Variants in SETDB1 observed in about 807,000 individuals in gnomAD.
SETDB1 encodes SET domain bifurcated histone lysine methyltransferase 1.
A neutral mutation model predicts 137.4 loss-of-function variants in SETDB1; 31 were observed. That is an observed-to-expected ratio of 0.23 (90% CI 0.17 to 0.30). The LOEUF is 0.30. SETDB1 is among the 10% of genes least tolerant of loss of function. The probability of loss-of-function intolerance (pLI) is 1.00; values close to 1 mark genes in which losing one functional copy is unlikely to be tolerated. For missense variants in SETDB1, 1,113 were observed against 1,631.5 expected (o/e 0.68, Z 5.47); for synonymous variants, 548 against 579.9 (o/e 0.95, Z 0.79).
At chr1:150,951,557 TC>T in intron 14 of SETDB1, 76 bp downstream of exon 14, 1 of 753,170 alleles carries the variant, frequency 1.3e-6, no homozygotes, top group Non-Finnish European at 2.2e-6. Context: ...CTTATAGAAA[TC>T]ATCAGAAATC....
chr1:150,960,504 A>C, intron 15 of SETDB1, 59 bp from the exon 16 acceptor site: 3 of 1,471,716 alleles, frequency 2.0e-6, no homozygotes, highest in Non-Finnish European at 1.8e-6. Context: ...AAGCAAACAA[A>C]AAAAAAAACT....
At chr1:150,961,642 A>G in intron 16 of SETDB1, 1 of 170,198 alleles carries the variant, frequency 5.9e-6, no homozygotes, top group Non-Finnish European at 1.3e-5. Context: ...TGACAGAACG[A>G]GACTCTGTCT....
Position 150,949,275 on chromosome 1 carries a change from G to A in SETDB1, c.1421G>A (p.Ser474Asn), listed in dbSNP as rs1670426313. The A allele has an allele frequency of 6.2e-7, 1 of 1,613,586 alleles. No individual in the cohort carries two copies. Among genetic ancestry groups the A allele is most frequent in the Non-Finnish European group, 8.5e-7 (1 of 1,179,800 alleles). Residue 474 changes from serine (S) to asparagine (N), a missense_variant, in exon 11 of 22, where the codon AGT (serine) becomes AAT (asparagine). Transcript: ENST00000692827. ...CCTCTATCCCCCCAAGCAGGTGACA[G>A]TGAGTGAGTGTTATTCTTTCTTTTT... ...APPLSPQAGD[S>N]ESLESQLAQS...
rs587657224 is a variant in SETDB1 at position 150,964,736 on chromosome 1, A to G, written c.*372A>G. ...AGTCTTTTAACAATATGATAAAACTAAGATTGTGGTTTTGTTTCTCTCTCT... is the reference window on the plus strand; with the variant it reads ...AGTCTTTTAACAATATGATAAAACTGAGATTGTGGTTTTGTTTCTCTCTCT... On this transcript the variant is annotated 3_prime_UTR_variant, in exon 22 of 22. Transcript: ENST00000692827. 1.4e-4 allele frequency: 76 copies of G among 555,130 alleles called. No homozygotes were observed. Among genetic ancestry groups the G allele is most frequent in the African/African-American group, 1.3e-3 (70 of 53,422 alleles). The allele number at this position is 555,130 out of a possible 1,614,324, so 34.4% of individuals were successfully genotyped here.
At position 150,945,108 on chromosome 1, in the gene SETDB1, GGT is replaced by G; in HGVS notation, c.1140+1_1140+2del. ...GCAGCCTAGTCAGGATCCTCTTCCT[GGT>G]ACTGTTCTTCTCTACAATTTTGGAG... On this transcript the variant is annotated splice_donor_variant, in intron 9 of 21. Transcript: ENST00000692827. LOFTEE classifies it high-confidence loss of function. 6.2e-7 allele frequency: 1 copy of G among 1,613,914 alleles called. No individual in the cohort carries two copies. The highest frequency in any genetic ancestry group is 8.5e-7 in the Non-Finnish European group (1 of 1,179,904).
In SETDB1 at chr1:150,946,463, G is replaced by T. The variant is rs587685204; in HGVS notation, c.1141-423G>T. Among the ~76,000 whole-genome samples, 8 of 150,132 alleles carry T rather than the reference G, an allele frequency of 5.3e-5. No individual in the cohort carries two copies. The South Asian group carries it at 6.3e-4, about 12-fold the overall frequency. On this transcript the variant is annotated intron_variant, in intron 9 of 21. Coordinates refer to ENST00000692827, the MANE Select transcript of SETDB1 (RefSeq NM_001366418.1). The stretch of plus-strand genomic sequence containing the variant: ...TAAGTAGATAAGGAATTTTTTTTTG[G>T]GGGGGATGGAGTTTCGCTCCTGTTG...
chr1:150,963,927 C>G (rs1670905835), intron 20 of SETDB1, 68 bp from the exon 21 acceptor site: 1 of 1,472,336 alleles, frequency 6.8e-7, no homozygotes, highest in Non-Finnish European at 9.5e-7. Flanking sequence ...TCTTCCAACT[C>G]TCACTCTCCC....
chr1:150,946,364 T>G (rs1216183109), intron 9 of SETDB1, among the ~76,000 whole-genome samples: 1 of 152,106 alleles, frequency 6.6e-6, no homozygotes, highest in Non-Finnish European at 1.5e-5. Context: ...CTCCTGTAAT[T>G]CCTTAAACAA....
chr1:150,940,426 G>A (rs755487969), intron 4 of SETDB1, among the ~76,000 whole-genome samples: 2 of 151,744 alleles, frequency 1.3e-5, no homozygotes, highest in Non-Finnish European at 2.9e-5. Flanking sequence ...AAATTAGCTG[G>A]GCATGGTGGT....
chr1:150,958,144 T>C (rs1404592298), intron 14 of SETDB1, among the ~76,000 whole-genome samples: 1 of 149,404 alleles, frequency 6.7e-6, no homozygotes, highest in Non-Finnish European at 1.5e-5. Flanking sequence ...GATTGCGCCA[T>C]TGCACTCCAG....
rs982870663 is a variant in SETDB1 at position 150,963,681 on chromosome 1, C to T, written c.3612C>T (p.Gly1204=). 50 of 1,613,996 alleles carry T rather than the reference C, an allele frequency of 3.1e-5. No homozygotes were observed. The highest frequency in any genetic ancestry group is 3.9e-5 in the Non-Finnish European group (46 of 1,180,028). The change falls in exon 20 of 22, where the codon GGC becomes GGT. Residue 1204 remains glycine, a synonymous_variant. Coordinates refer to ENST00000692827, the MANE Select transcript of SETDB1 (RefSeq NM_001366418.1). The stretch of plus-strand genomic sequence containing the variant: ...AGAACACACGCCAATTCTATGATGG[C>T]GAGGAGTCTTGCTACATCATTGATG... ...VRKNTRQFYD[G]EESCYIIDAK...
Position 150,962,158 on chromosome 1 carries a change from T to C in SETDB1, c.3161T>C (p.Val1054Ala), listed in dbSNP as rs906039180. 1 of 1,613,984 alleles carries C rather than the reference T, an allele frequency of 6.2e-7. No individual in the cohort carries two copies. ...EDTDDRNKMSVVTESSRNYGY... is the reference protein window; with the variant it reads ...EDTDDRNKMSAVTESSRNYGY... Reference sequence around the variant, plus strand: ...ACTGACGACCGAAACAAGATGTCAGTGTAAGTGCCTTTTGTTTTGTTTTGT... The same window carrying C: ...ACTGACGACCGAAACAAGATGTCAGCGTAAGTGCCTTTTGTTTTGTTTTGT... The change falls in exon 17 of 22, where the codon GTA (valine) becomes GCA (alanine). Residue 1054 changes from valine to alanine, a missense_variant and splice_region_variant. By Grantham distance (64) the Val-to-Ala change is moderately conservative (BLOSUM62 0). Around this residue, in one of 11 missense-constraint regions of SETDB1, gnomAD observed 373 missense variants for 412.7 expected, o/e 0.90. Coordinates refer to ENST00000692827, the MANE Select transcript of SETDB1 (RefSeq NM_001366418.1).
chr1:150,929,547 T>G (rs1184115950), intron 2 of SETDB1, among the ~76,000 whole-genome samples: 1 of 151,186 alleles, frequency 6.6e-6, no homozygotes, highest in Non-Finnish European at 1.5e-5. Flanking sequence ...CCCGGCTAAT[T>G]TTTGTATTTT....
intron 14 of SETDB1, among the ~76,000 whole-genome samples, chr1:150,954,355 G>A (rs900624183): frequency 2.0e-5 from 3 of 152,052 alleles, no homozygotes; most frequent in African/African-American, 7.2e-5. Flanking sequence ...AAAAGAGTGG[G>A]GTATAGCATG....
rs138748308 is a variant in SETDB1, at chr1:150,927,924, G to A, written c.210G>A (p.Gln70=). 7 of 1,614,100 alleles carry A rather than the reference G, an allele frequency of 4.3e-6. No individual in the cohort carries two copies. In the African/African-American group the frequency reaches 5.3e-5, roughly 12 times the overall value. ...QLAELETWVI[Q]KESEVAHVDQ... is the part of the protein sequence containing the mutation. ...CAGAGTTAGAGACATGGGTAATACA[G>A]AAAGAATCTGAGGTGGCTCACGTTG... The change falls in exon 2 of 22, where the codon CAG becomes CAA. Residue 70 remains glutamine (Q), a synonymous_variant. Coordinates refer to ENST00000692827, the MANE Select transcript of SETDB1 (RefSeq NM_001366418.1).
intron 2 of SETDB1, among the ~76,000 whole-genome samples, chr1:150,929,455 T>C (rs1397073799): frequency 6.6e-6 from 1 of 152,012 alleles, no homozygotes; most frequent in Non-Finnish European, 1.5e-5. Flanking sequence ...CTCGGCTCAC[T>C]GCAGCCTCCG....
rs183879208 is a variant in SETDB1 at position 150,943,953 on chromosome 1, C to T, written c.909C>T (p.Ser303=). 6.8e-5 allele frequency: 110 copies of T among 1,613,468 alleles called. No homozygotes were observed. The Admixed American group carries it at 1.8e-3, about 26-fold the overall frequency. Residue 303 remains serine, a synonymous_variant, in exon 8 of 22, where the codon TCC becomes TCT. Transcript: ENST00000692827. ...TTTTCTTTGATGATGGCTATGCTTC[C>T]TATGTCACACAGTCGGAACTGTATC... ...FLIFFDDGYA[S]YVTQSELYPI...
At chr1:150,939,882 T>C in intron 3 of SETDB1, 58 bp from the exon 4 acceptor site, 1 of 1,297,270 alleles carries the variant, frequency 7.7e-7, no homozygotes, top group Non-Finnish European at 1.1e-6. Flanking sequence ...GTTCTTAATT[T>C]CCCAGAAGTT....
At chr1:150,930,217 C>A in intron 3 of SETDB1, 99 bp downstream of exon 3, 2 of 1,040,074 alleles carry the variant, frequency 1.9e-6, no homozygotes, top group Non-Finnish European at 2.8e-6. Context: ...AAACCATTGT[C>A]ACTAACTCCA....
Sources: allele counts gnomAD v4.1 joint callset (sites outside exome capture counted in the v4.1 genomes callset), GRCh38; gene constraint gnomAD v4.1.1; regional missense constraint gnomAD v4.1.1; transcripts MANE v1.5; gene names NCBI Gene and HGNC (gene_info 2026-07-23, HGNC 2026-07-21).